The following TGFBR2 variants were observed in gnomAD, a reference collection of about 807,000 sequenced individuals.
TGFBR2 encodes TGF-beta receptor type-2.
In TGFBR2, 18 loss-of-function variants were observed where a neutral mutation model predicts 49.0. That is an observed-to-expected ratio of 0.37 (90% CI 0.25 to 0.54). TGFBR2 has a LOEUF of 0.54. Ranked by LOEUF, TGFBR2 falls within the 20% of genes least tolerant of loss-of-function variation. TGFBR2 has a pLI of 0.85. For missense variants in TGFBR2, 525 were observed against 722.6 expected (o/e 0.73, Z 3.13); for synonymous variants, 282 against 275.9 (o/e 1.02, Z -0.22).
chr3:30,670,365 T>C (rs1249026162), intron 3 of TGFBR2, among the ~76,000 whole-genome samples: 1 of 152,222 alleles, frequency 6.6e-6, no homozygotes, highest in African/African-American at 2.4e-5. Context: ...AGTCCTCTAC[T>C]GGGTACTCTC....
chr3:30,673,600 A>G (rs1325188816), intron 4 of TGFBR2, among the ~76,000 whole-genome samples: 1 of 152,226 alleles, frequency 6.6e-6, no homozygotes, highest in African/African-American at 2.4e-5. Flanking sequence ...ATGTTATGCA[A>G]TTGTACTATA....
chr3:30,642,306 G>T (rs895161018), intron 1 of TGFBR2, among the ~76,000 whole-genome samples: 1 of 151,798 alleles, frequency 6.6e-6, no homozygotes, highest in Non-Finnish European at 1.5e-5. Context: ...GTGGTGGTGG[G>T]GTGGGAGTGG....
chr3:30,679,431 T>C (rs566113391), intron 5 of TGFBR2, among the ~76,000 whole-genome samples: 1 of 152,192 alleles, frequency 6.6e-6, no homozygotes, highest in South Asian at 2.1e-4. Context: ...TGAGAAAACA[T>C]AAACAGATGA....
In TGFBR2 at chr3:30,671,965, C is replaced by T. The variant is rs1699347160; in HGVS notation, c.782C>T (p.Ala261Val). Residue 261 changes from alanine (A) to valine (V), a missense_variant, in exon 4 of 7, where the codon GCC becomes GTC. Around this residue, in one of 3 missense-constraint regions of TGFBR2, gnomAD observed 376 missense variants for 478.2 expected, o/e 0.79. Coordinates refer to ENST00000295754, the MANE Select transcript of TGFBR2 (RefSeq NM_003242.6). ...GGTCGCTTTGCTGAGGTCTATAAGG[C>T]CAAGCTGAAGCAGAACACTTCAGAG... is the stretch of plus-strand genomic sequence containing the variant. ...GKGRFAEVYK[A>V]KLKQNTSEQF... 6.2e-7 allele frequency: 1 copy of T among 1,614,050 alleles called. No homozygotes were observed. Among genetic ancestry groups the T allele is most frequent in the Admixed American group, 1.7e-5 (1 of 60,000 alleles).
chr3:30,645,563 G>T (rs750267883), intron 2 of TGFBR2, among the ~76,000 whole-genome samples: 1 of 148,170 alleles, frequency 6.7e-6, no homozygotes, highest in African/African-American at 2.5e-5. Context: ...TTGGCTCACC[G>T]CAACCTCCAC....
chr3:30,680,924 G>T (rs1348047972), intron 5 of TGFBR2, among the ~76,000 whole-genome samples: 1 of 152,066 alleles, frequency 6.6e-6, no homozygotes, highest in Non-Finnish European at 1.5e-5. Context: ...GGCGGGTGAA[G>T]GCGGGTGAAG....
intron 1 of TGFBR2, among the ~76,000 whole-genome samples, chr3:30,624,258 A>G (rs1698288585): frequency 1.3e-5 from 2 of 152,218 alleles, no homozygotes; most frequent in South Asian, 4.1e-4. Flanking sequence ...TATATAAAAG[A>G]AGGTATACAT....
At chr3:30,661,434 T>TA (rs1294616126) in intron 3 of TGFBR2, 18 of 380,634 alleles carry the variant, frequency 4.7e-5, no homozygotes, top group South Asian at 1.8e-4. Context: ...AGGAGGAACA[T>TA]AAAGGGTGAA....
chr3:30,660,879 G>T (rs1164465989), intron 3 of TGFBR2, among the ~76,000 whole-genome samples: 1 of 152,218 alleles, frequency 6.6e-6, no homozygotes, highest in Non-Finnish European at 1.5e-5. Flanking sequence ...ACAAGGCAGG[G>T]ACCAGGGAGG....
chr3:30,684,311 A>C (rs1699586276), intron 5 of TGFBR2, among the ~76,000 whole-genome samples: 2 of 152,180 alleles, frequency 1.3e-5, no homozygotes, highest in Non-Finnish European at 2.9e-5. Context: ...AATGAGAGAG[A>C]AGGGTAAAGA....
At chr3:30,648,730 C>A (rs1698823451) in intron 2 of TGFBR2, among the ~76,000 whole-genome samples, 2 of 152,038 alleles carry the variant, frequency 1.3e-5, no homozygotes, top group African/African-American at 2.4e-5. Context: ...AGTTTAAGAA[C>A]CCTTGAGCCC....
chr3:30,664,764 C>T (rs1699215063), intron 3 of TGFBR2, among the ~76,000 whole-genome samples: 1 of 152,236 alleles, frequency 6.6e-6, no homozygotes, highest in Non-Finnish European at 1.5e-5. Context: ...AAAACTGAAC[C>T]TCCCTAATCC....
chr3:30,624,633 A>G (rs1263900031), intron 1 of TGFBR2, among the ~76,000 whole-genome samples: 2 of 151,104 alleles, frequency 1.3e-5, no homozygotes, highest in Admixed American at 6.6e-5. Flanking sequence ...AAAAAAAAAG[A>G]ATCACTTTGA....
At chr3:30,613,131 C>CTTTTTTTTTT (rs5847644) in intron 1 of TGFBR2, among the ~76,000 whole-genome samples, 1 of 129,322 alleles carries the variant, frequency 7.7e-6, no homozygotes, top group Non-Finnish European at 1.6e-5. Context: ...ACATGCAGCT[C>CTTTTTTTTTT]TTTTTTTTTT....
chr3:30,633,013 C>T (rs984998577), intron 1 of TGFBR2, among the ~76,000 whole-genome samples: 2 of 152,180 alleles, frequency 1.3e-5, no homozygotes. Context: ...TTCTTCAACT[C>T]CTAGTAGTCA....
At chr3:30,613,525 TGAGA>T (rs34082216) in intron 1 of TGFBR2, among the ~76,000 whole-genome samples, 8,043 of 147,952 alleles carry the variant, frequency 0.054, 455 homozygotes, top group African/African-American at 0.15. Context: ...TGTCTGTATG[TGAGA>T]GAGAGAGAGA....
intron 3 of TGFBR2, among the ~76,000 whole-genome samples, chr3:30,654,863 A>G (rs1191822535): frequency 2.6e-5 from 4 of 152,208 alleles, no homozygotes. Context: ...AGTTTTATTC[A>G]TTTCATAAAT....
chr3:30,650,532 T>A (rs2125411029), intron 3 of TGFBR2, 72 bp downstream of exon 3: 1 of 1,496,378 alleles, frequency 6.7e-7, no homozygotes, highest in Non-Finnish European at 9.3e-7. Flanking sequence ...GTCTGCAGTG[T>A]CATAGAGCAC....
intron 1 of TGFBR2, among the ~76,000 whole-genome samples, chr3:30,642,793 G>A (rs994551709): frequency 5.3e-5 from 8 of 152,006 alleles, no homozygotes; most frequent in African/African-American, 1.9e-4. Context: ...GTATAACCAT[G>A]TTAGAAAAAA....
Sources: allele counts gnomAD v4.1 joint callset (sites outside exome capture counted in the v4.1 genomes callset), GRCh38; gene constraint gnomAD v4.1.1; regional missense constraint gnomAD v4.1.1; transcripts MANE v1.5; gene names NCBI Gene and HGNC (gene_info 2026-07-23, HGNC 2026-07-21).